ALK: variants seen among roughly 807,000 people sequenced by gnomAD.
ALK encodes ALK tyrosine kinase receptor.
ALK carries 74 observed loss-of-function variants against 163.1 expected under a neutral mutation model. The ratio of observed to expected loss-of-function variants is 0.45; its 90% CI spans 0.38 to 0.55. ALK has a LOEUF of 0.55. ALK is among the 20% of genes least tolerant of loss of function. ALK has a pLI of 0.00. For synonymous variants in ALK, 960 were observed against 843.2 expected (o/e 1.14, Z -2.40); for missense variants, 2,063 against 2,105.3 (o/e 0.98, Z 0.39).
chr2:29,578,122 G>A (rs1456741173), intron 3 of ALK, among the ~76,000 whole-genome samples: 2 of 152,062 alleles, frequency 1.3e-5, no homozygotes, highest in Non-Finnish European at 2.9e-5. Flanking sequence ...TCATGGGGTG[G>A]GCCTTTCCCA....
At chr2:29,572,556 G>A (rs1307488084) in intron 3 of ALK, among the ~76,000 whole-genome samples, 1 of 152,092 alleles carries the variant, frequency 6.6e-6, no homozygotes, top group Non-Finnish European at 1.5e-5. Flanking sequence ...CATCCCCTTT[G>A]TGGCGCCTAT....
chr2:29,617,049 G>A (rs9309673), intron 3 of ALK, among the ~76,000 whole-genome samples: 94,533 of 151,906 alleles, frequency 0.62, 30,817 homozygotes, highest in East Asian at 0.73. Flanking sequence ...GACCTTCTGA[G>A]GCATAAAACA....
At chr2:29,838,381 C>T (rs1022500199) in intron 1 of ALK, among the ~76,000 whole-genome samples, 4 of 151,968 alleles carry the variant, frequency 2.6e-5, no homozygotes, top group Admixed American at 2.6e-4. Flanking sequence ...CAATGAAACC[C>T]ACACATGATA....
At chr2:29,777,710 A>G (rs1257400183) in intron 1 of ALK, among the ~76,000 whole-genome samples, 1 of 152,166 alleles carries the variant, frequency 6.6e-6, no homozygotes, top group Non-Finnish European at 1.5e-5. Context: ...TCAAATGCAG[A>G]TTTGAACTCA....
intron 1 of ALK, among the ~76,000 whole-genome samples, chr2:29,789,249 T>A (rs1272010215): frequency 1.3e-5 from 2 of 152,334 alleles, no homozygotes; most frequent in African/African-American, 2.4e-5. Flanking sequence ...GAGCAAATGC[T>A]GAGAATCTCC....
At chr2:29,438,577 A>AAAGAAATGT (rs1254167036) in intron 4 of ALK, among the ~76,000 whole-genome samples, 1 of 152,246 alleles carries the variant, frequency 6.6e-6, no homozygotes, top group African/African-American at 2.4e-5. Flanking sequence ...AACAAAACTC[A>AAAGAAATGT]AAGAAATGTT....
intron 4 of ALK, among the ~76,000 whole-genome samples, chr2:29,498,955 C>T (rs4666232): frequency 0.11 from 17,487 of 152,104 alleles, 1,299 homozygotes; most frequent in East Asian, 0.29. Context: ...CCAAACACTC[C>T]CATTTTGCAG....
intron 1 of ALK, among the ~76,000 whole-genome samples, chr2:29,805,985 T>C (rs1371366407): frequency 6.6e-6 from 1 of 152,176 alleles, no homozygotes; most frequent in African/African-American, 2.4e-5. Flanking sequence ...TGACAAGCCA[T>C]GTACATGTGA....
chr2:29,396,182 C>T (rs1669298471), intron 4 of ALK, among the ~76,000 whole-genome samples: 1 of 152,122 alleles, frequency 6.6e-6, no homozygotes, highest in Admixed American at 6.5e-5. Context: ...CCCTCCCGTG[C>T]TGCTTATACT....
intron 4 of ALK, among the ~76,000 whole-genome samples, chr2:29,489,718 C>T (rs1671856315): frequency 6.6e-6 from 1 of 152,134 alleles, no homozygotes; most frequent in Admixed American, 6.5e-5. Flanking sequence ...GATGAGACAC[C>T]CTGGAGCCTG....
intron 1 of ALK, among the ~76,000 whole-genome samples, chr2:29,774,320 C>G (rs1270870231): frequency 1.3e-5 from 2 of 152,186 alleles, no homozygotes; most frequent in Admixed American, 6.5e-5. Context: ...CAGACACTCA[C>G]TCTAGAAGGA....
At chr2:29,268,500 G>T (rs1440237707) in intron 11 of ALK, among the ~76,000 whole-genome samples, 1 of 152,274 alleles carries the variant, frequency 6.6e-6, no homozygotes, top group South Asian at 2.1e-4. Flanking sequence ...CTCGTTCACA[G>T]CCTCAGAGCC....
At chr2:29,701,984 T>C (rs916958942) in intron 2 of ALK, among the ~76,000 whole-genome samples, 1 of 152,012 alleles carries the variant, frequency 6.6e-6, no homozygotes, top group Non-Finnish European at 1.5e-5. Flanking sequence ...TTCCCTCATG[T>C]AGAGCCACAG....
At chr2:29,536,399 C>G (rs565315056) in intron 3 of ALK, among the ~76,000 whole-genome samples, 1 of 152,164 alleles carries the variant, frequency 6.6e-6, no homozygotes, top group Non-Finnish European at 1.5e-5. Context: ...ATGTGGCATG[C>G]TGGTTCCTTG....
At chr2:29,731,605 T>C (rs534238694) in intron 1 of ALK, among the ~76,000 whole-genome samples, 6 of 152,318 alleles carry the variant, frequency 3.9e-5, no homozygotes, top group Admixed American at 3.3e-4. Flanking sequence ...GCTGAATTAA[T>C]GATTTTATTA....
chr2:29,537,736 T>C (rs951246375), intron 3 of ALK, among the ~76,000 whole-genome samples: 1 of 152,174 alleles, frequency 6.6e-6, no homozygotes, highest in African/African-American at 2.4e-5. Context: ...AGCCTCAGCA[T>C]GGAAAAGCTG....
chr2:29,510,804 G>A (rs747255046), intron 4 of ALK, among the ~76,000 whole-genome samples: 5 of 152,068 alleles, frequency 3.3e-5, no homozygotes, highest in African/African-American at 7.2e-5. Context: ...GTTGAGAGAG[G>A]AAGAGAACAG....
At chr2:29,565,247 T>C (rs1055824572) in intron 3 of ALK, among the ~76,000 whole-genome samples, 2 of 152,180 alleles carry the variant, frequency 1.3e-5, no homozygotes, top group African/African-American at 2.4e-5. Flanking sequence ...ATGACAAAAC[T>C]GAAGCAAAGA....
intron 3 of ALK, among the ~76,000 whole-genome samples, chr2:29,567,605 G>A (rs1351187618): frequency 6.6e-6 from 1 of 152,108 alleles, no homozygotes; most frequent in Non-Finnish European, 1.5e-5. Context: ...ACCTGAAAAA[G>A]TTTTATAAAC....
Sources: gnomAD v4.1 joint callset for allele counts (sites outside exome capture counted in the v4.1 genomes callset) on GRCh38, gnomAD v4.1.1 for gene constraint, MANE v1.5 for transcripts, NCBI Gene and HGNC (gene_info 2026-07-23, HGNC 2026-07-21) for gene names.